DAP: variants seen among roughly 807,000 people sequenced by gnomAD.
DAP encodes the protein death associated protein.
A neutral mutation model predicts 13.8 loss-of-function variants in DAP; 8 were observed. The ratio of observed to expected loss-of-function variants is 0.58; its 90% CI spans 0.34 to 1.05. The LOEUF is 1.05. Ranked by LOEUF, DAP falls within the 50% of genes least tolerant of loss-of-function variation. The pLI is 0.03. For missense variants in DAP, 106 were observed against 133.2 expected (o/e 0.80, Z 1.01); for synonymous variants, 47 against 47.5 (o/e 0.99, Z 0.04).
At chr5:10,735,854 T>C (rs957397417) in intron 2 of DAP, among the ~76,000 whole-genome samples, 9 of 152,192 alleles carry the variant, frequency 5.9e-5, no homozygotes, top group Non-Finnish European at 1.3e-4. Context: ...TAGCACAAGG[T>C]GCTGCTTGCT....
intron 2 of DAP, among the ~76,000 whole-genome samples, chr5:10,693,678 G>A (rs1738364653): frequency 6.6e-6 from 1 of 152,144 alleles, no homozygotes; most frequent in Non-Finnish European, 1.5e-5. Flanking sequence ...ATGTAATCTT[G>A]GCTCCAAGCC....
intron 1 of DAP, among the ~76,000 whole-genome samples, chr5:10,759,134 C>G (rs1740273323): frequency 6.6e-6 from 1 of 152,222 alleles, no homozygotes; most frequent in South Asian, 2.1e-4. Context: ...TTGCAGTGAG[C>G]CAAGATCGTG....
intron 2 of DAP, among the ~76,000 whole-genome samples, chr5:10,716,116 GC>G (rs1407543046): frequency 6.6e-6 from 1 of 152,182 alleles, no homozygotes; most frequent in African/African-American, 2.4e-5. Flanking sequence ...AGGGTTGCCT[GC>G]CAATCATTTC....
At position 10,683,515 on chromosome 5, in the gene DAP, A is replaced by C; in HGVS notation, c.195+14T>G. 6 of 1,613,562 alleles carry C rather than the reference A, an allele frequency of 3.7e-6. No homozygotes were observed. The highest frequency in any genetic ancestry group is 5.1e-6 in the Non-Finnish European group (6 of 1,179,756). On this transcript the variant is annotated intron_variant, in intron 3 of 3. Coordinates refer to ENST00000230895, the MANE Select transcript of DAP (RefSeq NM_004394.3). ...CAAAAGCCTCAAACCCACCGCAGACACTCCCAGACTTACCCGGGCGATGAC... is the reference window on the plus strand; with the variant it reads ...CAAAAGCCTCAAACCCACCGCAGACCCTCCCAGACTTACCCGGGCGATGAC...
intron 2 of DAP, among the ~76,000 whole-genome samples, chr5:10,741,014 T>C (rs568348503): frequency 6.6e-6 from 1 of 152,338 alleles, no homozygotes; most frequent in Non-Finnish European, 1.5e-5. Context: ...ACTGTTCACA[T>C]GTCTTCACAA....
intron 3 of DAP, among the ~76,000 whole-genome samples, chr5:10,682,140 G>A (rs373936578): frequency 1.6e-4 from 23 of 142,530 alleles, no homozygotes; most frequent in East Asian, 4.3e-4. Flanking sequence ...ACCCATCAGC[G>A]TCCCTGCAGG....
At position 10,761,175 on chromosome 5, in the gene DAP, G is replaced by A. The variant is rs1456824114; in HGVS notation, c.-107C>T. 4.0e-5 allele frequency: 23 copies of A among 580,876 alleles called. No individual in the cohort carries two copies. The highest frequency in any genetic ancestry group is 8.1e-5 in the African/African-American group (4 of 49,342). The allele number at this position is 580,876 out of a possible 1,614,324, so 36.0% of individuals were successfully genotyped here. The stretch of plus-strand genomic sequence containing the variant: ...AGCGCCGGGGAGCGAGCGGGCGGGA[G>A]AACGACGCGCGCGCGTGGGGCGCCG... On this transcript the variant is annotated 5_prime_UTR_variant, in exon 1 of 4. Coordinates refer to ENST00000230895, the MANE Select transcript of DAP (RefSeq NM_004394.3).
chr5:10,687,928 T>C (rs112166249), intron 2 of DAP, among the ~76,000 whole-genome samples: 2 of 139,432 alleles, frequency 1.4e-5, no homozygotes, highest in Non-Finnish European at 3.1e-5. Context: ...TTTTTTTTTT[T>C]ACAGAGGGAG....
chr5:10,680,662 A>T lies in DAP; in HGVS notation c.*394T>A. The T allele has an allele frequency of 7.3e-7, 1 of 1,365,996 alleles. No homozygotes were observed. The highest frequency in any genetic ancestry group is 9.9e-7 in the Non-Finnish European group (1 of 1,006,376). The allele number at this position is 1,365,996 out of a possible 1,614,324, so 84.6% of individuals were successfully genotyped here. ...GAGATTTTATTGGCCCATACTAAAA[A>T]GCATGCAATGACTGAGGTTTTCTCC... On this transcript the variant is annotated 3_prime_UTR_variant, in exon 4 of 4. Transcript: ENST00000230895.
intron 1 of DAP, among the ~76,000 whole-genome samples, chr5:10,758,436 G>A (rs1740251875): frequency 1.1e-5 from 1 of 92,126 alleles, no homozygotes; most frequent in Admixed American, 1.0e-4. Flanking sequence ...GAGGGATGCT[G>A]CTGGCATTTG....
At chr5:10,703,567 T>A (rs116166773) in intron 2 of DAP, among the ~76,000 whole-genome samples, 1,545 of 152,342 alleles carry the variant, frequency 0.01, 26 homozygotes, top group African/African-American at 0.034. Flanking sequence ...ACTCTAACAA[T>A]TAAAAGAAAT....
intron 2 of DAP, among the ~76,000 whole-genome samples, chr5:10,746,145 G>T (rs532626297): frequency 3.3e-5 from 5 of 152,228 alleles, no homozygotes; most frequent in South Asian, 2.1e-4. Flanking sequence ...TATATGCAAG[G>T]TTTTATTCTC....
At chr5:10,697,236 G>C (rs1264931141) in intron 2 of DAP, among the ~76,000 whole-genome samples, 1 of 152,158 alleles carries the variant, frequency 6.6e-6, no homozygotes, top group Non-Finnish European at 1.5e-5. Flanking sequence ...CACTGCCCTA[G>C]GAAGTGCCTG....
intron 2 of DAP, among the ~76,000 whole-genome samples, chr5:10,741,545 G>C (rs1739754292): frequency 2.0e-5 from 3 of 152,204 alleles, no homozygotes; most frequent in Admixed American, 2.0e-4. Flanking sequence ...GTGGTAATTA[G>C]AAGTATACTG....
intron 2 of DAP, among the ~76,000 whole-genome samples, chr5:10,730,057 G>A (rs1362478361): frequency 3.3e-5 from 5 of 152,222 alleles, no homozygotes; most frequent in Non-Finnish European, 7.3e-5. Context: ...AGGAGATAAA[G>A]ACCCTTCACT....
intron 2 of DAP, among the ~76,000 whole-genome samples, chr5:10,684,338 G>A (rs947079482): frequency 3.9e-5 from 6 of 152,082 alleles, no homozygotes; most frequent in East Asian, 3.8e-4. Flanking sequence ...CAAACCTCCC[G>A]TCCCCATCAA....
chr5:10,686,138 G>C (rs1000197223), intron 2 of DAP, among the ~76,000 whole-genome samples: 3 of 152,188 alleles, frequency 2.0e-5, no homozygotes. Context: ...ACCACGAACC[G>C]TGCCCATATA....
intron 2 of DAP, among the ~76,000 whole-genome samples, chr5:10,689,909 C>A (rs1738260780): frequency 6.7e-6 from 1 of 150,314 alleles, no homozygotes; most frequent in South Asian, 2.1e-4. Flanking sequence ...TAGGTCAGAG[C>A]AGTCTCTTGG....
chr5:10,715,012 G>C (rs2126654573), intron 2 of DAP, among the ~76,000 whole-genome samples: 1 of 152,202 alleles, frequency 6.6e-6, no homozygotes, highest in South Asian at 2.1e-4. Flanking sequence ...CCAGGTATTT[G>C]CACTGCTATA....
Sources: gnomAD v4.1 joint callset for allele counts (sites outside exome capture counted in the v4.1 genomes callset) on GRCh38, gnomAD v4.1.1 for gene constraint, MANE v1.5 for transcripts, NCBI Gene and HGNC (gene_info 2026-07-23, HGNC 2026-07-21) for gene names.